Variants in DTNBP1 observed in about 807,000 individuals in gnomAD.
DTNBP1 encodes dystrobrevin binding protein 1, also known as dysbindin.
Under a neutral mutation model 42.8 loss-of-function variants are expected in DTNBP1, and 35 were observed. The ratio of observed to expected loss-of-function variants is 0.82; its 90% CI spans 0.63 to 1.09. DTNBP1 has a LOEUF of 1.09. Among genes scored for constraint, DTNBP1 ranks in the 50% least tolerant of loss-of-function variants. The pLI is 0.00. For missense variants in DTNBP1, 457 were observed against 424.2 expected (o/e 1.08, Z -0.68); for synonymous variants, 171 against 162.2 (o/e 1.05, Z -0.41).
intron 6 of DTNBP1, among the ~76,000 whole-genome samples, chr6:15,600,900 A>G (rs1304529105): frequency 6.6e-6 from 1 of 152,206 alleles, no homozygotes; most frequent in African/African-American, 2.4e-5. Flanking sequence ...TGCAGGTAAG[A>G]AGAGAGACCT....
chr6:15,629,182 C>A (rs1336301788), intron 4 of DTNBP1, among the ~76,000 whole-genome samples: 2 of 152,152 alleles, frequency 1.3e-5, no homozygotes, highest in East Asian at 3.8e-4. Context: ...ATTCCACAAA[C>A]TTCCACTGAC....
intron 7 of DTNBP1, among the ~76,000 whole-genome samples, chr6:15,562,073 C>A (rs1352620053): frequency 1.3e-5 from 2 of 152,192 alleles, no homozygotes; most frequent in Non-Finnish European, 2.9e-5. Context: ...CATGAATAAT[C>A]CACCCCTTGT....
chr6:15,652,018 A>G (rs954459429), intron 2 of DTNBP1, 69 bp downstream of exon 2: 2 of 1,373,204 alleles, frequency 1.5e-6, no homozygotes, highest in East Asian at 4.6e-5. Flanking sequence ...TAACTACACA[A>G]TTGTGAATAC....
In DTNBP1 at chr6:15,594,651, G is replaced by A. The variant is rs372934655; in HGVS notation, c.489-1570C>T. 7.9e-5 allele frequency among the ~76,000 whole-genome samples: 12 copies of A among 152,112 alleles called. 1 individual carries two copies. Among genetic ancestry groups the A allele is most frequent in the African/African-American group, 2.2e-4 (9 of 41,476 alleles). ...CAGGAAGGCAATATGTATCACAAGA[G>A]AATCTCAAAAAGATATCTTCAATCT... is the stretch of plus-strand genomic sequence containing the variant. On this transcript the variant is annotated intron_variant, in intron 6 of 9. Transcript: ENST00000344537.
At chr6:15,607,079 C>T (rs1758105636) in intron 6 of DTNBP1, among the ~76,000 whole-genome samples, 1 of 144,704 alleles carries the variant, frequency 6.9e-6, no homozygotes, top group Admixed American at 6.9e-5. Flanking sequence ...GGTGTGAGCT[C>T]AGCTCACTGC....
chr6:15,578,269 C>G (rs931550877), intron 7 of DTNBP1, among the ~76,000 whole-genome samples: 3 of 152,170 alleles, frequency 2.0e-5, no homozygotes, highest in African/African-American at 7.2e-5. Context: ...TCCAGTTCCT[C>G]AGTGAAATCA....
At chr6:15,623,553 T>TA (rs1462671348) in intron 5 of DTNBP1, among the ~76,000 whole-genome samples, 3 of 152,074 alleles carry the variant, frequency 2.0e-5, no homozygotes, top group Non-Finnish European at 4.4e-5. Flanking sequence ...CTCTGTCTCT[T>TA]AAAAAAATTA....
At chr6:15,638,190 C>T (rs1000476635) in intron 3 of DTNBP1, among the ~76,000 whole-genome samples, 24 of 151,626 alleles carry the variant, frequency 1.6e-4, no homozygotes, top group African/African-American at 5.3e-4. Flanking sequence ...TGCAGTGGTG[C>T]GATCTCGACT....
intron 9 of DTNBP1, chr6:15,523,798 T>G: frequency 2.3e-6 from 3 of 1,287,124 alleles, no homozygotes; most frequent in Non-Finnish European, 3.0e-6. Flanking sequence ...CCAAGCTCCT[T>G]CTCTTCCCCA....
intron 8 of DTNBP1, 99 bp from the exon 9 acceptor site, chr6:15,524,768 AG>A (rs1772248958): frequency 6.5e-7 from 1 of 1,539,484 alleles, no homozygotes; most frequent in Admixed American, 1.9e-5. Context: ...GCATTTCCTA[AG>A]CTTCCTTCAA....
At chr6:15,539,091 A>T (rs1308631872) in intron 7 of DTNBP1, among the ~76,000 whole-genome samples, 2 of 152,208 alleles carry the variant, frequency 1.3e-5, no homozygotes, top group Non-Finnish European at 2.9e-5. Flanking sequence ...TTATCATCTC[A>T]AATCAGGTAC....
At chr6:15,598,571 G>A (rs1192042853) in intron 6 of DTNBP1, among the ~76,000 whole-genome samples, 1 of 152,020 alleles carries the variant, frequency 6.6e-6, no homozygotes, top group African/African-American at 2.4e-5. Context: ...CTTGTTCCTG[G>A]GAAAGATCTC....
Position 15,636,157 on chromosome 6 carries a change from C to CTTT in DTNBP1, c.222+1584_222+1586dup, listed in dbSNP as rs70996562. 7.7e-4 allele frequency among the ~76,000 whole-genome samples: 98 copies of CTTT among 127,030 alleles called. 4 individuals carry two copies. The highest frequency in any genetic ancestry group is 3.0e-3 in the African/African-American group (96 of 31,568). 83.3% of individuals were successfully genotyped at this position (127,030 alleles called of 152,430 possible). A position where few individuals can be genotyped will look rare whatever the true frequency, so the allele number is the denominator to read the frequency against. Reference sequence around the variant, plus strand: ...GTCAAAGAACACAAATTACCTGCACCTTTTTTTTTTTTTTTGAGACAGAGT... The same window carrying CTTT: ...GTCAAAGAACACAAATTACCTGCACCTTTTTTTTTTTTTTTTTTGAGACAGAGT... On this transcript the variant is annotated intron_variant, in intron 4 of 9. Transcript: ENST00000344537.
chr6:15,646,655 T>G (rs1760696074), intron 3 of DTNBP1, among the ~76,000 whole-genome samples: 1 of 151,968 alleles, frequency 6.6e-6, no homozygotes, highest in Non-Finnish European at 1.5e-5. Flanking sequence ...ATCATAGTAC[T>G]AGTATAAAAA....
chr6:15,591,752 T>A (rs965569109), intron 7 of DTNBP1, among the ~76,000 whole-genome samples: 16 of 152,236 alleles, frequency 1.1e-4, no homozygotes, highest in Admixed American at 7.9e-4. Flanking sequence ...TTTTACATAA[T>A]CTGTGTCCCT....
chr6:15,540,057 G>A (rs1773469094), intron 7 of DTNBP1, among the ~76,000 whole-genome samples: 1 of 152,166 alleles, frequency 6.6e-6, no homozygotes, highest in Non-Finnish European at 1.5e-5. Flanking sequence ...TGAAGAGGGA[G>A]CAACACCAAA....
chr6:15,653,417 G>T (rs1761123750), intron 1 of DTNBP1, among the ~76,000 whole-genome samples: 1 of 152,108 alleles, frequency 6.6e-6, no homozygotes, highest in Non-Finnish European at 1.5e-5. Context: ...TGGTCACCTG[G>T]ATGTCAGCTC....
rs532078895 is a variant in DTNBP1, at chr6:15,615,284, A to G, written c.471T>C (p.Asn157=). The change falls in exon 6 of 10, where the codon AAT becomes AAC. Residue 157 remains asparagine (N), a synonymous_variant. Coordinates refer to ENST00000344537, the MANE Select transcript of DTNBP1 (RefSeq NM_032122.5). Reference sequence around the variant, plus strand: ...AAACTCACCTCTTATTTTTCTTGTAATTCTCCAGTTGCTGGGACTGCATAT... The same window carrying G: ...AAACTCACCTCTTATTTTTCTTGTAGTTCTCCAGTTGCTGGGACTGCATAT... ...CKHMQSQQLE[N]YKKNKRKELE... is the part of the protein sequence containing the mutation. 6 of 1,614,148 alleles carry G rather than the reference A, an allele frequency of 3.7e-6. No individual in the cohort carries two copies. In the South Asian group the frequency reaches 5.5e-5, roughly 15 times the overall value.
chr6:15,661,565 GA>G (rs760270988), intron 1 of DTNBP1, among the ~76,000 whole-genome samples: 3 of 149,724 alleles, frequency 2.0e-5, no homozygotes, highest in Non-Finnish European at 4.4e-5. Context: ...AGAATCGCTT[GA>G]ATCCGGGAGG....
Sources: gnomAD v4.1 joint callset for allele counts (sites outside exome capture counted in the v4.1 genomes callset) on GRCh38, gnomAD v4.1.1 for gene constraint, MANE v1.5 for transcripts, NCBI Gene and HGNC (gene_info 2026-07-23, HGNC 2026-07-21) for gene names.